Variants in ACTA2 observed in about 807,000 individuals in gnomAD.
ACTA2 encodes the protein actin alpha 2, smooth muscle.
Under a neutral mutation model 39.5 loss-of-function variants are expected in ACTA2, and 12 were observed. The ratio of observed to expected loss-of-function variants is 0.30; its 90% CI spans 0.19 to 0.49. The LOEUF is 0.49. Ranked by LOEUF, ACTA2 falls within the 20% of genes least tolerant of loss-of-function variation. ACTA2 has a pLI of 0.99. For missense variants in ACTA2, 236 were observed against 498.8 expected (o/e 0.47, Z 5.02); for synonymous variants, 158 against 180.6 (o/e 0.88, Z 1.00).
At chr10:88,966,692 T>C (rs1363184640) in intron 1 of ACTA2, among the ~76,000 whole-genome samples, 1 of 152,156 alleles carries the variant, frequency 6.6e-6, no homozygotes, top group Non-Finnish European at 1.5e-5. Context: ...CACCTGCATA[T>C]CAGTTTCCTC....
At chr10:88,979,498 A>G (rs1047147821) in intron 1 of ACTA2, among the ~76,000 whole-genome samples, 4 of 152,216 alleles carry the variant, frequency 2.6e-5, no homozygotes. Context: ...GATTTTAAAC[A>G]GTAATAAGTG....
At chr10:88,938,022 G>A (rs772675863) in intron 8 of ACTA2, 39 bp downstream of exon 8, 1 of 1,611,180 alleles carries the variant, frequency 6.2e-7, no homozygotes, top group Non-Finnish European at 8.5e-7. Flanking sequence ...GGCTGACACT[G>A]CTGGCGGCAT....
chr10:88,968,393 A>G (rs1184265503), intron 1 of ACTA2, among the ~76,000 whole-genome samples: 1 of 104,476 alleles, frequency 9.6e-6, no homozygotes, highest in African/African-American at 3.0e-5. Flanking sequence ...TGGGTTTAAA[A>G]CTCATAATGG....
intron 8 of ACTA2, 51 bp downstream of exon 8, chr10:88,938,010 A>G: frequency 6.2e-7 from 1 of 1,604,760 alleles, no homozygotes; most frequent in Non-Finnish European, 8.5e-7. Flanking sequence ...CTGTGGTTAT[A>G]GGGCTGACAC....
In ACTA2 at chr10:88,943,785, T is replaced by A. The variant is rs1305232797; in HGVS notation, c.369+12A>T. On this transcript the variant is annotated intron_variant, in intron 4 of 8. Coordinates refer to ENST00000224784, the MANE Select transcript of ACTA2 (RefSeq NM_001613.4). Reference sequence around the variant, plus strand: ...GACCCCACAGTGTTGTGTGCTGGGGTAGCATACTTACTTGAGTCATTTTCT... The same window carrying A: ...GACCCCACAGTGTTGTGTGCTGGGGAAGCATACTTACTTGAGTCATTTTCT... The A allele has an allele frequency of 6.2e-7, 1 of 1,603,004 alleles. No homozygotes were observed. Among genetic ancestry groups the A allele is most frequent in the East Asian group, 2.2e-5 (1 of 44,776 alleles).
chr10:88,965,663 AAT>A (rs199557885), intron 1 of ACTA2, among the ~76,000 whole-genome samples: 54,676 of 151,496 alleles, frequency 0.36, 10,354 homozygotes, highest in African/African-American at 0.4. Flanking sequence ...AAGCCATTAT[AAT>A]GCAAAGCATC....
rs3781208 is a variant in ACTA2 at position 88,939,861 on chromosome 10, G to A, written c.617-163C>T. 8,110 of 721,198 alleles carry A rather than the reference G, an allele frequency of 0.011. 299 individuals carry two copies. The East Asian group carries it at 0.12, about 10-fold the overall frequency. 44.7% of individuals were successfully genotyped at this position (721,198 alleles called of 1,614,324 possible). On this transcript the variant is annotated intron_variant, in intron 6 of 8. Coordinates refer to ENST00000224784, the MANE Select transcript of ACTA2 (RefSeq NM_001613.4). ...TCCACAATGATAATGACGTAGTAGG[G>A]CCACCAGGGAACCACCTCTGTTCCT...
intron 1 of ACTA2, among the ~76,000 whole-genome samples, chr10:88,952,134 A>G (rs1431713863): frequency 6.6e-6 from 1 of 152,200 alleles, no homozygotes; most frequent in Non-Finnish European, 1.5e-5. Context: ...CCAAACTTGT[A>G]AGGTCACACA....
chr10:88,968,257 T>C (rs1392909130), intron 1 of ACTA2, among the ~76,000 whole-genome samples: 1 of 152,222 alleles, frequency 6.6e-6, no homozygotes, highest in Non-Finnish European at 1.5e-5. Context: ...CACCTAATTA[T>C]GTTTTGAGTG....
At chr10:88,943,964 AT>A (rs1845902914) in intron 3 of ACTA2, 57 bp from the exon 4 acceptor site, 1 of 1,521,440 alleles carries the variant, frequency 6.6e-7, no homozygotes, top group South Asian at 1.1e-5. Flanking sequence ...GAGGTCCTGC[AT>A]TTCCCAAAAA....
At chr10:88,935,554 A>G in intron 8 of ACTA2, 188 bp from the exon 9 acceptor site, 4 of 599,066 alleles carry the variant, frequency 6.7e-6, no homozygotes, top group Non-Finnish European at 1.2e-5. Flanking sequence ...AGAGGGAGCC[A>G]TGGATTTAGA....
chr10:88,991,090 A>G (rs879064297), exon 1 of ACTA2: 3 of 714,110 alleles, frequency 4.2e-6, no homozygotes, highest in Non-Finnish European at 7.2e-6. Context: ...ACCTTCCCTC[A>G]GGCCCGGGTG....
At chr10:88,959,823 T>C (rs1247225516) in intron 1 of ACTA2, among the ~76,000 whole-genome samples, 1 of 151,432 alleles carries the variant, frequency 6.6e-6, no homozygotes, top group Non-Finnish European at 1.5e-5. Context: ...AGACTTTTCT[T>C]ATTTTTAATG....
chr10:88,958,395 C>T (rs749255626), intron 1 of ACTA2, among the ~76,000 whole-genome samples: 2 of 152,198 alleles, frequency 1.3e-5, no homozygotes, highest in African/African-American at 2.4e-5. Flanking sequence ...TTAATCCTCA[C>T]AGCAGCCATA....
chr10:88,984,040 T>C (rs984233536), intron 1 of ACTA2, among the ~76,000 whole-genome samples: 1 of 152,168 alleles, frequency 6.6e-6, no homozygotes, highest in Admixed American at 6.5e-5. Context: ...GATGGTAAAA[T>C]GCCTCTTCCT....
At chr10:88,943,946 G>A in intron 3 of ACTA2, 39 bp from the exon 4 acceptor site, 5 of 1,577,852 alleles carry the variant, frequency 3.2e-6, no homozygotes, top group Non-Finnish European at 4.4e-6. Flanking sequence ...ACAATGATGT[G>A]CTGTCATGAG....
chr10:88,964,402 G>A (rs1244641040), intron 1 of ACTA2, among the ~76,000 whole-genome samples: 5 of 152,164 alleles, frequency 3.3e-5, no homozygotes. Flanking sequence ...ACAAGACAAG[G>A]GGAAAGGATC....
chr10:88,959,372 T>A (rs1271653821), intron 1 of ACTA2, among the ~76,000 whole-genome samples: 1 of 152,126 alleles, frequency 6.6e-6, no homozygotes, highest in Non-Finnish European at 1.5e-5. Flanking sequence ...TATCCAAGAA[T>A]AAGAACCTTC....
At position 88,989,236 on chromosome 10, in the gene ACTA2, A is replaced by C. The variant is rs559986947; in HGVS notation, c.-24+1703T>G. Among the ~76,000 whole-genome samples, 212 of 152,190 alleles carry C rather than the reference A, an allele frequency of 1.4e-3. 4 individuals are homozygous for C. The highest frequency in any genetic ancestry group is 7.1e-4 in the Non-Finnish European group (48 of 68,002). On this transcript the variant is annotated intron_variant, in intron 1 of 4. Coordinates refer to the ACTA2 transcript ENST00000415557. ...TATAATTCACACTCAAGAGATACTG[A>C]TTTTGTCAATTGTCCTTTCCCCTTT... is the stretch of plus-strand genomic sequence containing the variant.
Sources: allele counts gnomAD v4.1 joint callset (sites outside exome capture counted in the v4.1 genomes callset), GRCh38; gene constraint gnomAD v4.1.1; transcripts MANE v1.5; gene names NCBI Gene and HGNC (gene_info 2026-07-23, HGNC 2026-07-21).